ADAMTSL1: variants seen among roughly 807,000 people sequenced by gnomAD.
ADAMTSL1 encodes ADAMTS-like protein 1.
A neutral mutation model predicts 201.8 loss-of-function variants in ADAMTSL1; 126 were observed. The ratio of observed to expected loss-of-function variants is 0.62; its 90% CI spans 0.54 to 0.72. The LOEUF (loss-of-function observed/expected upper bound fraction) is 0.72. ADAMTSL1 is among the 30% of genes least tolerant of loss of function. The pLI is 0.00. For missense variants in ADAMTSL1, 2,679 were observed against 2,277.8 expected (o/e 1.18, Z -3.59); for synonymous variants, 1,121 against 903.4 (o/e 1.24, Z -4.32).
chr9:18,270,599 C>T (rs1348465553), intron 2 of ADAMTSL1, among the ~76,000 whole-genome samples: 1 of 152,154 alleles, frequency 6.6e-6, no homozygotes, highest in African/African-American at 2.4e-5. Flanking sequence ...ATAATCCAGT[C>T]AGCCTATTGC....
intron 1 of ADAMTSL1, among the ~76,000 whole-genome samples, chr9:18,080,039 T>A (rs767680164): frequency 3.3e-5 from 5 of 152,156 alleles, no homozygotes. Context: ...GTACTGATGA[T>A]GACAAGGGTC....
At chr9:18,262,086 A>C (rs1194436896) in intron 2 of ADAMTSL1, among the ~76,000 whole-genome samples, 1 of 152,208 alleles carries the variant, frequency 6.6e-6, no homozygotes, top group Non-Finnish European at 1.5e-5. Flanking sequence ...TATATATATA[A>C]TGTGTTTGAC....
chr9:18,323,032 G>A (rs1050525877), intron 2 of ADAMTSL1, among the ~76,000 whole-genome samples: 1 of 152,112 alleles, frequency 6.6e-6, no homozygotes, highest in African/African-American at 2.4e-5. Context: ...TTCCCTATTT[G>A]TTTTGAGACC....
At chr9:18,565,600 T>C (rs958122555) in intron 3 of ADAMTSL1, among the ~76,000 whole-genome samples, 1 of 151,086 alleles carries the variant, frequency 6.6e-6, no homozygotes, top group Admixed American at 6.6e-5. Context: ...GTTGGCCTTT[T>C]CAAAAAGGAG....
intron 23 of ADAMTSL1, among the ~76,000 whole-genome samples, chr9:18,885,945 T>C (rs12237428): frequency 0.051 from 7,679 of 151,692 alleles, 219 homozygotes; most frequent in East Asian, 0.15. Flanking sequence ...TTTCTAGGGA[T>C]TCCCAATCTT....
intron 2 of ADAMTSL1, among the ~76,000 whole-genome samples, chr9:18,276,135 TA>T (rs1354786347): frequency 6.6e-6 from 1 of 150,948 alleles, no homozygotes; most frequent in Non-Finnish European, 1.5e-5. Context: ...GCCATTTGTA[TA>T]TTTTTTTTAA....
intron 2 of ADAMTSL1, among the ~76,000 whole-genome samples, chr9:18,361,111 C>T (rs1051385673): frequency 6.6e-6 from 1 of 152,012 alleles, no homozygotes; most frequent in Non-Finnish European, 1.5e-5. Flanking sequence ...AATGTGGGTG[C>T]CTCCATGAGT....
At chr9:18,609,888 A>G (rs73433527) in intron 4 of ADAMTSL1, among the ~76,000 whole-genome samples, 2,548 of 152,294 alleles carry the variant, frequency 0.017, 59 homozygotes, top group African/African-American at 0.058. Flanking sequence ...TAGAACAAGT[A>G]TATAAAATAG....
chr9:18,405,472 T>A (rs1818151513), intron 2 of ADAMTSL1, among the ~76,000 whole-genome samples: 1 of 152,080 alleles, frequency 6.6e-6, no homozygotes, highest in South Asian at 2.1e-4. Context: ...AATTCCAAAA[T>A]CATTCTACAG....
chr9:18,294,543 G>T (rs2132698676), intron 2 of ADAMTSL1, among the ~76,000 whole-genome samples: 1 of 152,262 alleles, frequency 6.6e-6, no homozygotes, highest in East Asian at 1.9e-4. Flanking sequence ...GGTTTGCACA[G>T]AGGAGCCACA....
intron 1 of ADAMTSL1, among the ~76,000 whole-genome samples, chr9:17,944,347 C>T (rs1827364968): frequency 1.3e-5 from 2 of 151,948 alleles, no homozygotes; most frequent in Non-Finnish European, 2.9e-5. Flanking sequence ...ATTCCATGCT[C>T]ATGGGTAGGA....
intron 4 of ADAMTSL1, among the ~76,000 whole-genome samples, chr9:18,592,813 G>C (rs913832544): frequency 3.3e-5 from 5 of 152,112 alleles, no homozygotes; most frequent in Admixed American, 3.3e-4. Context: ...GTTTTGAATA[G>C]TATAGACATT....
intron 4 of ADAMTSL1, among the ~76,000 whole-genome samples, chr9:18,620,828 G>A (rs1391249974): frequency 1.3e-5 from 2 of 152,090 alleles, no homozygotes; most frequent in Admixed American, 6.5e-5. Context: ...GTTATTGAAG[G>A]GGTTGTTGCT....
chr9:18,547,854 A>G (rs945861909), intron 3 of ADAMTSL1, among the ~76,000 whole-genome samples: 1 of 151,934 alleles, frequency 6.6e-6, no homozygotes, highest in Non-Finnish European at 1.5e-5. Flanking sequence ...ACCGGGGGCC[A>G]TGTGAACCGT....
intron 1 of ADAMTSL1, among the ~76,000 whole-genome samples, chr9:18,481,759 ATAGTT>A (rs1343190168): frequency 6.6e-6 from 1 of 152,200 alleles, no homozygotes; most frequent in Non-Finnish European, 1.5e-5. Context: ...TACTGTTTCT[ATAGTT>A]TATAGTCTCA....
Position 18,622,336 on chromosome 9 carries a change from G to A in ADAMTSL1, c.568G>A (p.Gly190Arg). The A allele has an allele frequency of 6.2e-7, 1 of 1,614,020 alleles. No individual in the cohort carries two copies. The highest frequency in any genetic ancestry group is 8.5e-7 in the Non-Finnish European group (1 of 1,179,964). The change falls in exon 5 of 29, where the codon GGG becomes AGG. Residue 190 changes from glycine (G) to arginine (R), a missense_variant. Gly to Arg is a moderately radical substitution (Grantham distance 125, BLOSUM62 -2). Transcript: ENST00000380548. Reference protein sequence around the residue: ...GDGSTCRLVRGQYKSQLSATK... With the variant: ...GDGSTCRLVRRQYKSQLSATK... ...TGGGTCCACCTGCCGGCTGGTCCGA[G>A]GGCAGTATAAATCCCAGCTCTCCGC... is the stretch of plus-strand genomic sequence containing the variant.
chr9:18,885,532 A>AAGCCAAGAGGGGGAAGTAT (rs1828794365), intron 23 of ADAMTSL1, among the ~76,000 whole-genome samples: 1 of 152,212 alleles, frequency 6.6e-6, no homozygotes, highest in Admixed American at 6.5e-5. Flanking sequence ...CACATGGCCA[A>AAGCCAAGAGGGGGAAGTAT]AGCCAAGAGG....
intron 1 of ADAMTSL1, among the ~76,000 whole-genome samples, chr9:18,054,135 T>C (rs999377893): frequency 5.9e-5 from 9 of 151,946 alleles, no homozygotes; most frequent in Non-Finnish European, 1.3e-4. Flanking sequence ...ACAGGAAATA[T>C]ATGTGTGTGT....
chr9:18,543,601 C>G (rs1297274691), intron 3 of ADAMTSL1, among the ~76,000 whole-genome samples: 2 of 152,160 alleles, frequency 1.3e-5, no homozygotes, highest in Non-Finnish European at 2.9e-5. Flanking sequence ...AAACACTGAA[C>G]ATTCAGAGTA....
Sources: allele counts gnomAD v4.1 joint callset (sites outside exome capture counted in the v4.1 genomes callset), GRCh38; gene constraint gnomAD v4.1.1; transcripts MANE v1.5; gene names NCBI Gene and HGNC (gene_info 2026-07-23, HGNC 2026-07-21).